Variants in CFAP43 observed in about 807,000 individuals in gnomAD.
CFAP43 encodes the protein cilia and flagella associated protein 43, also known as cilia- and flagella-associated protein 43.
CFAP43 carries 155 observed loss-of-function variants against 218.9 expected under a neutral mutation model. The ratio of observed to expected loss-of-function variants is 0.71; its 90% CI spans 0.62 to 0.81. CFAP43 has a LOEUF of 0.81. CFAP43 is among the 30% of genes least tolerant of loss of function. The pLI is 0.00. For missense variants in CFAP43, 1,778 were observed against 1,954.3 expected, an observed-to-expected ratio of 0.91 and a Z score of 1.70; for synonymous variants, 645 against 681.3, an observed-to-expected ratio of 0.95 and a Z score of 0.83.
chr10:104,193,745 T>C, intron 11 of CFAP43, 121 bp downstream of exon 11: 1 of 1,315,454 alleles, frequency 7.6e-7, no homozygotes, highest in Non-Finnish European at 1.0e-6. Flanking sequence ...TGTGTGAATA[T>C]ATTAACATTC....
intron 24 of CFAP43, among the ~76,000 whole-genome samples, chr10:104,163,212 A>G (rs1564740778): frequency 6.6e-6 from 1 of 152,204 alleles, no homozygotes; most frequent in African/African-American, 2.4e-5. Context: ...AAACTACTCA[A>G]ACTCTCTGTG....
chr10:104,143,925 T>C (rs1324031470), intron 31 of CFAP43, among the ~76,000 whole-genome samples: 1 of 152,196 alleles, frequency 6.6e-6, no homozygotes, highest in African/African-American at 2.4e-5. Context: ...TTCTGTATAC[T>C]GTAAGCAGGC....
chr10:104,182,978 C>A (rs1432005060), intron 16 of CFAP43, among the ~76,000 whole-genome samples: 2 of 152,116 alleles, frequency 1.3e-5, no homozygotes, highest in Admixed American at 1.3e-4. Flanking sequence ...TCCTCATACC[C>A]TTACTCAACA....
Position 104,143,569 on chromosome 10 carries a change from T to G in CFAP43, c.4015A>C (p.Lys1339Gln). 1 of 1,614,222 alleles carries G rather than the reference T, an allele frequency of 6.2e-7. No individual in the cohort carries two copies. The highest frequency in any genetic ancestry group is 8.5e-7 in the Non-Finnish European group (1 of 1,180,036). ...TGGGCAAAGGCATCCTTATTCAACT[T>G]GCCAGATCCTGGTAGTTCTCCGAAA... ...VPFGELPGSGKLNKDAFAQLM... is the reference protein window; with the variant it reads ...VPFGELPGSGQLNKDAFAQLM... Residue 1339 changes from lysine to glutamine, a missense_variant, in exon 32 of 38, where the codon AAG becomes CAG. Transcript: ENST00000357060.
chr10:104,217,414 A>G (rs1044814206), intron 3 of CFAP43, among the ~76,000 whole-genome samples: 35 of 151,330 alleles, frequency 2.3e-4, no homozygotes, highest in African/African-American at 8.5e-4. Flanking sequence ...TATTCATACA[A>G]TTTCCTTATT....
intron 16 of CFAP43, among the ~76,000 whole-genome samples, chr10:104,183,142 C>T (rs1180956183): frequency 2.0e-5 from 3 of 152,160 alleles, no homozygotes; most frequent in Non-Finnish European, 2.9e-5. Flanking sequence ...ATTACTTCCA[C>T]TTAATTCACC....
At chr10:104,137,420 A>G (rs946517999) in intron 34 of CFAP43, among the ~76,000 whole-genome samples, 1 of 152,234 alleles carries the variant, frequency 6.6e-6, no homozygotes, top group Admixed American at 6.5e-5. Context: ...AAATCCATAC[A>G]GAAAATGCAG....
In CFAP43 at chr10:104,214,344, A is replaced by C; in HGVS notation, c.499T>G (p.Trp167Gly). The change falls in exon 4 of 38, where the codon TGG becomes GGG. Residue 167 changes from tryptophan (W) to glycine (G), a missense_variant. Physicochemically the swap from Trp to Gly is radical, Grantham distance 184. Around this residue, in one of 3 missense-constraint regions of CFAP43, gnomAD observed 1,553 missense variants for 1,685.2 expected, o/e 0.92. Transcript: ENST00000357060. Reference sequence around the variant, plus strand: ...GGACTTGATAAGCACAGCTGGCGCCAGTTCATGGGGTTAAAAGACATTTGG... The same window carrying C: ...GGACTTGATAAGCACAGCTGGCGCCCGTTCATGGGGTTAAAAGACATTTGG... The part of the protein sequence containing the change: ...VNQMSFNPMN[W>G]RQLCLSSPST... The C allele has an allele frequency of 3.7e-6, 6 of 1,612,134 alleles. No homozygotes were observed. In the South Asian group the frequency reaches 5.5e-5, roughly 15 times the overall value.
In CFAP43 at chr10:104,230,811, T is replaced by C. The variant is rs776610563; in HGVS notation, c.98A>G (p.His33Arg). ...GCAAATGGTGTTGTCGTTGACAAAA[T>C]GAACATTCTGCTTAGGGAATCCTTG... ...WVQGFPKQNV[H>R]FVNDNTICYP... is the part of the protein sequence containing the mutation. Residue 33 changes from histidine to arginine, a missense_variant, in exon 2 of 38, where the codon CAT (histidine) becomes CGT (arginine). Physicochemically the swap from His to Arg is conservative, Grantham distance 29 (BLOSUM62 0). Coordinates refer to ENST00000357060, the MANE Select transcript of CFAP43 (RefSeq NM_025145.7). The C allele has an allele frequency of 2.5e-6, 4 of 1,613,450 alleles. No homozygotes were observed. The highest frequency in any genetic ancestry group is 2.5e-6 in the Non-Finnish European group (3 of 1,179,884).
intron 4 of CFAP43, among the ~76,000 whole-genome samples, chr10:104,212,428 G>A (rs2090892897): frequency 2.0e-5 from 3 of 152,068 alleles, no homozygotes; most frequent in Admixed American, 2.0e-4. Context: ...GATGAGGGTC[G>A]GGCAGGTGAT....
chr10:104,185,829 A>C, intron 15 of CFAP43, 145 bp downstream of exon 15: 1 of 616,484 alleles, frequency 1.6e-6, no homozygotes, highest in South Asian at 2.6e-5. Flanking sequence ...TAATACTTCC[A>C]ATGGCAAGCA....
At chr10:104,224,334 C>G (rs1272297350) in intron 3 of CFAP43, among the ~76,000 whole-genome samples, 3 of 151,942 alleles carry the variant, frequency 2.0e-5, no homozygotes, top group African/African-American at 7.3e-5. Flanking sequence ...TGAGCCACAG[C>G]GCCTGGCCGA....
chr10:104,150,440 C>T (rs767299195), intron 28 of CFAP43, among the ~76,000 whole-genome samples: 4 of 152,178 alleles, frequency 2.6e-5, no homozygotes, highest in Non-Finnish European at 5.9e-5. Flanking sequence ...GTACTGGCCT[C>T]CCATTGTTTC....
chr10:104,144,064 G>T (rs927663565), intron 31 of CFAP43, among the ~76,000 whole-genome samples: 2 of 152,172 alleles, frequency 1.3e-5, no homozygotes, highest in Non-Finnish European at 2.9e-5. Context: ...GCTTCAGCTG[G>T]AAAGGGAAGA....
Position 104,193,851 on chromosome 10 carries a change from G to A in CFAP43, c.1442+15C>T. On this transcript the variant is annotated intron_variant, in intron 11 of 37. Coordinates refer to ENST00000357060, the MANE Select transcript of CFAP43 (RefSeq NM_025145.7). ...GTGTGACACGGAGCCGCTCCTGGAGGCAGAAAGGACTTACACGACGTGCTG... is the reference window on the plus strand; with the variant it reads ...GTGTGACACGGAGCCGCTCCTGGAGACAGAAAGGACTTACACGACGTGCTG... 6.2e-7 allele frequency: 1 copy of A among 1,611,958 alleles called. No homozygotes were observed. The highest frequency in any genetic ancestry group is 2.2e-5 in the East Asian group (1 of 44,836).
chr10:104,142,023 G>A (rs2087730356), intron 33 of CFAP43, among the ~76,000 whole-genome samples: 1 of 152,162 alleles, frequency 6.6e-6, no homozygotes, highest in African/African-American at 2.4e-5. Context: ...TATGTGGAAG[G>A]GGCCGACTTA....
chr10:104,230,612 C>A lies in CFAP43; in HGVS notation c.297G>T (p.Leu99Phe). The A allele has an allele frequency of 6.2e-7, 1 of 1,613,972 alleles. No homozygotes were observed. Among genetic ancestry groups the A allele is most frequent in the South Asian group, 1.1e-5 (1 of 90,986 alleles). The change falls in exon 2 of 38, where the codon TTG (leucine) becomes TTT (phenylalanine). Residue 99 changes from leucine (L) to phenylalanine (F), a missense_variant. By Grantham distance (22) the Leu-to-Phe change is conservative. Coordinates refer to ENST00000357060, the MANE Select transcript of CFAP43 (RefSeq NM_025145.7). ...PLIYVYSFPG[L>F]TRRTKLKGNI... ...TACCTTTCAATTTGGTCCTTCTGGTCAATCCTGGAAAGCTGTATACGTAGA... is the reference window on the plus strand; with the variant it reads ...TACCTTTCAATTTGGTCCTTCTGGTAAATCCTGGAAAGCTGTATACGTAGA...
chr10:104,140,821 A>T (rs368475717), intron 34 of CFAP43, 21 bp downstream of exon 34: 118 of 1,561,676 alleles, frequency 7.6e-5, no homozygotes, highest in East Asian at 2.1e-4. Flanking sequence ...GAATTAAAAT[A>T]AAAATAAAAA....
intron 15 of CFAP43, among the ~76,000 whole-genome samples, chr10:104,185,657 A>T (rs994259185): frequency 2.0e-5 from 3 of 152,252 alleles, no homozygotes; most frequent in Non-Finnish European, 4.4e-5. Context: ...AATTTGGTAT[A>T]TAGGGCAACA....
Sources: gnomAD v4.1 joint callset for allele counts (sites outside exome capture counted in the v4.1 genomes callset) on GRCh38, gnomAD v4.1.1 for gene constraint, gnomAD v4.1.1 regional missense constraint, MANE v1.5 for transcripts, NCBI Gene and HGNC (gene_info 2026-07-23, HGNC 2026-07-21) for gene names.